DOCK1: variants seen among roughly 807,000 people sequenced by gnomAD.
The protein encoded by DOCK1 is dedicator of cytokinesis 1.
A neutral mutation model predicts 262.7 loss-of-function variants in DOCK1; 138 were observed. That is an observed-to-expected ratio of 0.53 (90% confidence interval 0.46 to 0.61). DOCK1 has a LOEUF of 0.61. Ranked by LOEUF, DOCK1 falls within the 20% of genes least tolerant of loss-of-function variation. The pLI is 0.00. For missense variants in DOCK1, 1,908 were observed against 2,370.7 expected (o/e 0.80, Z 4.05); for synonymous variants, 866 against 867.4 (o/e 1.00, Z 0.03).
At chr10:127,417,476 G>A (rs1472938427) in intron 44 of DOCK1, among the ~76,000 whole-genome samples, 3 of 152,192 alleles carry the variant, frequency 2.0e-5, no homozygotes, top group African/African-American at 7.2e-5. Context: ...TGCACTGAAG[G>A]TGTCATTAAC....
At chr10:126,997,221 G>A (rs1018729240) in intron 7 of DOCK1, among the ~76,000 whole-genome samples, 1 of 152,148 alleles carries the variant, frequency 6.6e-6, no homozygotes. Flanking sequence ...AGCTCATTGA[G>A]GGCAGAGAGT....
intron 23 of DOCK1, among the ~76,000 whole-genome samples, chr10:127,069,627 C>T (rs1178524447): frequency 1.3e-5 from 2 of 152,016 alleles, no homozygotes; most frequent in Non-Finnish European, 2.9e-5. Flanking sequence ...GACACAGATG[C>T]GGTGGTTTGA....
intron 10 of DOCK1, among the ~76,000 whole-genome samples, chr10:127,004,462 C>G (rs1481710436): frequency 1.3e-5 from 2 of 151,984 alleles, no homozygotes; most frequent in Non-Finnish European, 2.9e-5. Context: ...AATAAAAATT[C>G]TTGGTCAGGT....
At chr10:126,983,196 C>T (rs115573665) in intron 4 of DOCK1, among the ~76,000 whole-genome samples, 6 of 152,240 alleles carry the variant, frequency 3.9e-5, no homozygotes, top group African/African-American at 1.4e-4. Context: ...CTTTGGGTTC[C>T]CTGTGATTGT....
intron 51 of DOCK1, among the ~76,000 whole-genome samples, chr10:127,450,383 T>C (rs1266186322): frequency 6.6e-6 from 1 of 152,192 alleles, no homozygotes; most frequent in African/African-American, 2.4e-5. Context: ...TAGACGATAG[T>C]GTTCTGTGAT....
In DOCK1 at chr10:127,269,979, A is replaced by C. The variant is rs190678105; in HGVS notation, c.3044+12550A>C. Among the ~76,000 whole-genome samples the C allele has an allele frequency of 8.9e-4, 136 of 152,366 alleles. 2 individuals are homozygous for C. Among genetic ancestry groups the C allele is most frequent in the Admixed American group, 2.4e-3 (36 of 15,304 alleles). On this transcript the variant is annotated intron_variant, in intron 29 of 51. Transcript: ENST00000623213. ...GGTAACAGTAAGTGGCACTGTCTAC[A>C]GAGCCTCTCAGGAACCGGGGACTCC...
intron 23 of DOCK1, among the ~76,000 whole-genome samples, chr10:127,062,842 C>T (rs1434620902): frequency 6.6e-6 from 1 of 152,236 alleles, no homozygotes; most frequent in African/African-American, 2.4e-5. Flanking sequence ...TGGATCTTTG[C>T]CTGTGCAGAA....
In DOCK1 at chr10:127,252,479, G is replaced by A. The variant is rs568427544; in HGVS notation, c.2949+4370G>A. Among the ~76,000 whole-genome samples, 2,030 of 138,578 alleles carry A rather than the reference G, an allele frequency of 0.015. 74 individuals carry two copies. The East Asian group carries it at 0.15, about 10-fold the overall frequency. 90.9% of individuals were successfully genotyped at this position (138,578 alleles called of 152,430 possible). A position where few individuals can be genotyped will look rare whatever the true frequency, so the allele number is the denominator to read the frequency against. On this transcript the variant is annotated intron_variant, in intron 28 of 51. Transcript: ENST00000623213. ...CCTTGCCCATGCCTATGTCCTGAAT[G>A]GTAATGCCTAGGTTTTCTTCTAGGG...
At chr10:126,933,477 A>G (rs1197575658) in intron 1 of DOCK1, among the ~76,000 whole-genome samples, 1 of 152,160 alleles carries the variant, frequency 6.6e-6, no homozygotes, top group Non-Finnish European at 1.5e-5. Flanking sequence ...GTAAGAATGC[A>G]CAAGGATTCT....
At chr10:127,200,897 C>T (rs930306341) in intron 27 of DOCK1, among the ~76,000 whole-genome samples, 1 of 152,170 alleles carries the variant, frequency 6.6e-6, no homozygotes, top group Non-Finnish European at 1.5e-5. Flanking sequence ...CTAGTCCTCA[C>T]TCAAAATGGA....
At chr10:127,396,349 T>C (rs4333931) in intron 38 of DOCK1, among the ~76,000 whole-genome samples, 68,536 of 151,802 alleles carry the variant, frequency 0.45, 15,832 homozygotes, top group Middle Eastern at 0.54. Context: ...CCAGCAAGTC[T>C]GCACTCTCCC....
chr10:126,910,718 CA>C (rs1386210727), intron 1 of DOCK1, among the ~76,000 whole-genome samples: 1 of 152,120 alleles, frequency 6.6e-6, no homozygotes, highest in Non-Finnish European at 1.5e-5. Flanking sequence ...CCACAAGCAC[CA>C]CGCCTACCTC....
rs977214052 is a variant in DOCK1, at chr10:126,933,072, A to G, written c.46+27509A>G. On this transcript the variant is annotated intron_variant, in intron 1 of 51. Transcript: ENST00000623213. ...GGATGTCTGGACAAGCAGAAGGCCC[A>G]GGGCCAGGGCCTTGATGTGGGGACC... Among the ~76,000 whole-genome samples the G allele has an allele frequency of 7.4e-3, 1,119 of 152,126 alleles. 88 individuals carry two copies. The East Asian group carries it at 0.18, about 24-fold the overall frequency.
At chr10:127,347,839 CTT>C (rs2063706952) in intron 31 of DOCK1, among the ~76,000 whole-genome samples, 1 of 43,988 alleles carries the variant, frequency 2.3e-5, no homozygotes, top group African/African-American at 1.1e-4. Context: ...TCAGCCTTCC[CTT>C]CCCTTCCCTT....
intron 27 of DOCK1, among the ~76,000 whole-genome samples, chr10:127,148,525 A>G (rs189038984): frequency 1.3e-5 from 2 of 152,308 alleles, no homozygotes; most frequent in African/African-American, 2.4e-5. Flanking sequence ...TCGCAGTACT[A>G]TGTTACAAAT....
At chr10:127,312,806 A>C (rs1590391574) in intron 29 of DOCK1, among the ~76,000 whole-genome samples, 9 of 122,842 alleles carry the variant, frequency 7.3e-5, no homozygotes, top group African/African-American at 1.6e-4. Flanking sequence ...CACAGCCATC[A>C]CTCCCTCCCT....
intron 4 of DOCK1, among the ~76,000 whole-genome samples, chr10:126,987,097 A>T (rs2039457335): frequency 1.3e-5 from 2 of 152,138 alleles, no homozygotes; most frequent in African/African-American, 4.8e-5. Flanking sequence ...TTTATGCGTG[A>T]TGGAAAATGT....
rs375977550 is a variant in DOCK1, at chr10:127,397,531, G to T, written c.3928-5524G>T. 2.7e-5 allele frequency among the ~76,000 whole-genome samples: 4 copies of T among 149,900 alleles called. No homozygotes were observed. The East Asian group carries it at 6.1e-4, about 23-fold the overall frequency. ...GATCTGAGCATGAGTTACACGGGCG[G>T]TGTCTCCTATGTGATCTGAGCATGA... On this transcript the variant is annotated intron_variant, in intron 38 of 51. Coordinates refer to ENST00000623213, the MANE Select transcript of DOCK1 (RefSeq NM_001290223.2).
intron 1 of DOCK1, among the ~76,000 whole-genome samples, chr10:126,952,867 A>AGTGTTG (rs2036411706): frequency 1.1e-5 from 1 of 91,220 alleles, no homozygotes; most frequent in Non-Finnish European, 2.4e-5. Flanking sequence ...GTGATGTGGT[A>AGTGTTG]GTATTGTTAT....
Sources: allele counts gnomAD v4.1 joint callset (sites outside exome capture counted in the v4.1 genomes callset), GRCh38; gene constraint gnomAD v4.1.1; transcripts MANE v1.5; gene names NCBI Gene and HGNC (gene_info 2026-07-23, HGNC 2026-07-21).